Variants in TPST2 observed in about 807,000 individuals in gnomAD.
The protein encoded by TPST2 is protein-tyrosine sulfotransferase 2.
Under a neutral mutation model 27.8 loss-of-function variants are expected in TPST2, and 16 were observed. The observed-to-expected ratio is 0.58, with a 90% CI of 0.39 to 0.88. The LOEUF (loss-of-function observed/expected upper bound fraction) is 0.88. Among genes scored for constraint, TPST2 ranks in the 40% least tolerant of loss-of-function variants. The probability of loss-of-function intolerance (pLI) is 0.00; values close to 1 mark genes in which losing one functional copy is unlikely to be tolerated. For missense variants in TPST2, 464 were observed against 543.1 expected (o/e 0.85, Z 1.45); for synonymous variants, 229 against 231.7 (o/e 0.99, Z 0.10).
rs766067242 is a variant in TPST2 at position 26,528,251 on chromosome 22, G to A, written c.1104C>T (p.Asn368=). 6 of 1,563,562 alleles carry A rather than the reference G, an allele frequency of 3.8e-6. No individual in the cohort carries two copies. Among genetic ancestry groups the A allele is most frequent in the Non-Finnish European group, 5.2e-6 (6 of 1,152,310 alleles). Residue 368 remains asparagine, a synonymous_variant, in exon 6 of 7, where the codon AAC becomes AAT. Transcript: ENST00000338754. ...NLKGYFQVNQ[N]STSSHLGSS ...AGCTTCCTAAGTGGGAGGAGGTGCTGTTCTGGTTCACCTGGAGAAAGACAA... is the reference window on the plus strand; with the variant it reads ...AGCTTCCTAAGTGGGAGGAGGTGCTATTCTGGTTCACCTGGAGAAAGACAA...
At chr22:26,529,283 C>G (rs554672484) in intron 5 of TPST2, among the ~76,000 whole-genome samples, 4 of 152,150 alleles carry the variant, frequency 2.6e-5, no homozygotes, top group East Asian at 1.9e-4. Context: ...TGTGCCACCA[C>G]GAATGGCTAA....
At chr22:26,578,857 T>C (rs570587336) in intron 1 of TPST2, among the ~76,000 whole-genome samples, 66 of 150,982 alleles carry the variant, frequency 4.4e-4, no homozygotes, top group Admixed American at 2.2e-3. Flanking sequence ...TTCTTTCTTT[T>C]TTTTTTTTTT....
chr22:26,558,158 CACACACACAT>C (rs912828542), intron 1 of TPST2, among the ~76,000 whole-genome samples: 2 of 60,674 alleles, frequency 3.3e-5, no homozygotes, highest in African/African-American at 5.3e-5. Flanking sequence ...CACACACACA[CACACACACAT>C]ATATATGTCG....
At chr22:26,527,359 G>A (rs6005067) in intron 6 of TPST2, among the ~76,000 whole-genome samples, 56,850 of 151,886 alleles carry the variant, frequency 0.37, 11,160 homozygotes, top group South Asian at 0.43. Context: ...AGTCCACAGC[G>A]AGGGCCCAGC....
chr22:26,551,337 T>C (rs956588684), intron 1 of TPST2, among the ~76,000 whole-genome samples: 5 of 152,142 alleles, frequency 3.3e-5, no homozygotes, highest in African/African-American at 1.2e-4. Context: ...CTTAGAGCCC[T>C]TATTATATAC....
rs139004476 is a variant in TPST2 at position 26,552,885 on chromosome 22, C to A, written c.-160-8210G>T. Among the ~76,000 whole-genome samples, 656 of 151,996 alleles carry A rather than the reference C, an allele frequency of 4.3e-3. 4 individuals carry two copies. Among genetic ancestry groups the A allele is most frequent in the African/African-American group, 0.015 (610 of 41,456 alleles). ...GACCAGCCTGGCCAACATGGTGATACCCCATCTCTACTAAAAATACAAAAA... is the reference window on the plus strand; with the variant it reads ...GACCAGCCTGGCCAACATGGTGATAACCCATCTCTACTAAAAATACAAAAA... On this transcript the variant is annotated intron_variant, in intron 1 of 6. Transcript: ENST00000338754.
chr22:26,579,494 G>A (rs1451166372), intron 1 of TPST2, among the ~76,000 whole-genome samples: 2 of 152,208 alleles, frequency 1.3e-5, no homozygotes, highest in African/African-American at 4.8e-5. Flanking sequence ...GCCTTGTAGG[G>A]CGGCCTTGCC....
At chr22:26,581,036 ACACACACACACACACACG>A (rs1928087000) in intron 1 of TPST2, among the ~76,000 whole-genome samples, 5 of 69,130 alleles carry the variant, frequency 7.2e-5, no homozygotes, top group South Asian at 6.1e-4. Flanking sequence ...ACACACACAC[ACACACACACACACACACG>A]CACACACACA....
chr22:26,586,375 G>A (rs561847213), intron 1 of TPST2, among the ~76,000 whole-genome samples: 7 of 151,996 alleles, frequency 4.6e-5, no homozygotes, highest in African/African-American at 1.2e-4. Context: ...TCAGCCTCCC[G>A]GCTATCTGGG....
intron 1 of TPST2, among the ~76,000 whole-genome samples, chr22:26,578,691 A>G (rs1263804483): frequency 6.6e-6 from 1 of 152,078 alleles, no homozygotes; most frequent in African/African-American, 2.4e-5. Flanking sequence ...AGCAGCCACC[A>G]GCTCAACACA....
intron 1 of TPST2, among the ~76,000 whole-genome samples, chr22:26,566,804 C>G (rs1022986764): frequency 6.6e-6 from 1 of 152,080 alleles, no homozygotes; most frequent in South Asian, 2.1e-4. Flanking sequence ...AAGGCCAGGA[C>G]AACACTCCCA....
At chr22:26,536,134 C>A (rs1435685214) in intron 4 of TPST2, 154 bp downstream of exon 4, 2 of 1,063,074 alleles carry the variant, frequency 1.9e-6, no homozygotes, top group Non-Finnish European at 2.9e-6. Context: ...GAAATACAAG[C>A]AATCATGTAG....
At chr22:26,575,103 C>T (rs1006558686) in intron 1 of TPST2, among the ~76,000 whole-genome samples, 2 of 152,062 alleles carry the variant, frequency 1.3e-5, no homozygotes, top group Non-Finnish European at 1.5e-5. Flanking sequence ...GTTTGACTCC[C>T]GCCCCTCCAC....
chr22:26,564,531 A>T (rs951121069), intron 1 of TPST2, among the ~76,000 whole-genome samples: 1 of 152,174 alleles, frequency 6.6e-6, no homozygotes, highest in African/African-American at 2.4e-5. Flanking sequence ...TGAGTCCCCA[A>T]CTTTGCTCTC....
At chr22:26,553,356 T>C (rs1014562674) in intron 1 of TPST2, among the ~76,000 whole-genome samples, 4 of 149,456 alleles carry the variant, frequency 2.7e-5, no homozygotes, top group Non-Finnish European at 5.9e-5. Flanking sequence ...GAGAGGCTTG[T>C]GCATGCCTGG....
intron 4 of TPST2, among the ~76,000 whole-genome samples, chr22:26,533,715 C>G (rs1187421058): frequency 6.6e-6 from 1 of 151,936 alleles, no homozygotes; most frequent in East Asian, 1.9e-4. Flanking sequence ...ACTCCCATAG[C>G]CCAAGCTGGA....
At chr22:26,538,999 T>A (rs1217343625) in intron 3 of TPST2, among the ~76,000 whole-genome samples, 1 of 152,226 alleles carries the variant, frequency 6.6e-6, no homozygotes, top group African/African-American at 2.4e-5. Flanking sequence ...GGTGGTGAGA[T>A]CATGGGTTGT....
rs1925858517 is a variant in TPST2, at chr22:26,541,779, A to G, written c.-88-61T>C. 2.2e-6 allele frequency: 3 copies of G among 1,388,176 alleles called. No homozygotes were observed. In the South Asian group the frequency reaches 4.5e-5, roughly 21 times the overall value. 86.0% of individuals were successfully genotyped at this position (1,388,176 alleles called of 1,614,324 possible). A position where few individuals can be genotyped will look rare whatever the true frequency, so the allele number is the denominator to read the frequency against. The stretch of plus-strand genomic sequence containing the variant: ...TCTGTGAGCTGTGAGCTCTCCAATA[A>G]CTGCAAAGCCCTATAACTGCAAACA... On this transcript the variant is annotated intron_variant, in intron 2 of 6. Coordinates refer to ENST00000338754, the MANE Select transcript of TPST2 (RefSeq NM_003595.5). This position sits in a 1 kb window ranked among gnomAD's most constrained non-coding sequence, Gnocchi z 5.9.
At chr22:26,552,373 G>C (rs753698008) in intron 1 of TPST2, among the ~76,000 whole-genome samples, 9 of 152,140 alleles carry the variant, frequency 5.9e-5, no homozygotes, top group Non-Finnish European at 1.2e-4. Context: ...GAGGGTGGGC[G>C]CTATTATTAG....
Sources: allele counts gnomAD v4.1 joint callset (sites outside exome capture counted in the v4.1 genomes callset), GRCh38; gene constraint gnomAD v4.1.1; non-coding constraint Gnocchi (gnomAD v3.1); transcripts MANE v1.5; gene names NCBI Gene and HGNC (gene_info 2026-07-23, HGNC 2026-07-21).